The following ZNF431 variants were observed in gnomAD, a reference collection of about 807,000 sequenced individuals.
ZNF431 encodes zinc finger protein 431.
Under a neutral mutation model 57.0 loss-of-function variants are expected in ZNF431, and 34 were observed. The ratio of observed to expected loss-of-function variants is 0.60; its 90% CI spans 0.45 to 0.79. The LOEUF is 0.79. ZNF431 is among the 30% of genes least tolerant of loss of function. The pLI is 0.00. For missense variants in ZNF431, 607 were observed against 667.1 expected (o/e 0.91, Z 0.99); for synonymous variants, 207 against 220.3 (o/e 0.94, Z 0.54).
intron 4 of ZNF431, among the ~76,000 whole-genome samples, chr19:21,180,765 G>T (rs1971186543): frequency 6.6e-6 from 1 of 151,912 alleles, no homozygotes; most frequent in African/African-American, 2.4e-5. Context: ...TGGCCAATAT[G>T]GTGAAACCCT....
intron 1 of ZNF431, 129 bp downstream of exon 1, chr19:21,142,315 C>G (rs958611925): frequency 1.9e-5 from 25 of 1,333,456 alleles, no homozygotes; most frequent in Non-Finnish European, 2.4e-5. Flanking sequence ...TCTCCTTGCC[C>G]AGCTCGGCCT....
intron 2 of ZNF431, among the ~76,000 whole-genome samples, chr19:21,157,491 G>A (rs1240345117): frequency 6.6e-6 from 1 of 151,902 alleles, no homozygotes; most frequent in Admixed American, 6.6e-5. Context: ...TGTTAGCCAC[G>A]TTTGTCTTCT....
At chr19:21,173,974 C>T (rs1173337571) in intron 4 of ZNF431, among the ~76,000 whole-genome samples, 3 of 145,894 alleles carry the variant, frequency 2.1e-5, no homozygotes, top group East Asian at 2.0e-4. Flanking sequence ...TTTTGGGAGT[C>T]TCACTCTCTC....
chr19:21,172,353 A>G (rs1448470310), intron 4 of ZNF431, among the ~76,000 whole-genome samples: 1 of 150,932 alleles, frequency 6.6e-6, no homozygotes, highest in Non-Finnish European at 1.5e-5. Context: ...ACTTAAACCC[A>G]GGAGACAGAG....
chr19:21,165,265 A>G (rs1206061558), intron 2 of ZNF431, among the ~76,000 whole-genome samples: 1 of 152,150 alleles, frequency 6.6e-6, no homozygotes, highest in Non-Finnish European at 1.5e-5. Flanking sequence ...TACTGGGGAA[A>G]AGCTGGGGTC....
Position 21,167,770 on chromosome 19 carries a change from A to G in ZNF431, c.319+104A>G, listed in dbSNP as rs992678691. 8 of 736,344 alleles carry G rather than the reference A, an allele frequency of 1.1e-5. No homozygotes were observed. In the South Asian group the frequency reaches 1.9e-4, roughly 18 times the overall value. 45.6% of individuals were successfully genotyped at this position (736,344 alleles called of 1,614,324 possible). On this transcript the variant is annotated intron_variant, in intron 4 of 4. Transcript: ENST00000311048. Reference sequence around the variant, plus strand: ...AATGTGTTTTGGGAAGCTGTGTTATAAAGCATGTAGTTTCTGGGAGGCCTG... The same window carrying G: ...AATGTGTTTTGGGAAGCTGTGTTATGAAGCATGTAGTTTCTGGGAGGCCTG...
chr19:21,172,808 G>T (rs1970943192), intron 4 of ZNF431, among the ~76,000 whole-genome samples: 1 of 152,050 alleles, frequency 6.6e-6, no homozygotes, highest in Non-Finnish European at 1.5e-5. Flanking sequence ...AAAAGAAGCT[G>T]TACATTTCAG....
chr19:21,153,070 T>C (rs139834458), intron 2 of ZNF431, among the ~76,000 whole-genome samples: 164 of 152,360 alleles, frequency 1.1e-3, no homozygotes, highest in African/African-American at 3.5e-3. Context: ...GGAATATTTA[T>C]GCCTCTCCTT....
intron 4 of ZNF431, among the ~76,000 whole-genome samples, chr19:21,176,238 C>CTT (rs111362670): frequency 1.1e-3 from 141 of 133,150 alleles, no homozygotes; most frequent in African/African-American, 3.0e-3. Context: ...TCTTTGCTCA[C>CTT]TTTTTTTTTT....
chr19:21,190,047 T>G lies in ZNF431; in HGVS notation c.*6013T>G. On this transcript the variant is annotated 3_prime_UTR_variant, in exon 5 of 5. Transcript: ENST00000311048. ...AGCTGGGTGTGGTGGTGCAGGCCTG[T>G]AATCTCAGCTACTCCAGAGGCTGAG... The G allele has an allele frequency of 2.7e-6, 1 of 375,262 alleles. No homozygotes were observed. The highest frequency in any genetic ancestry group is 4.7e-6 in the Non-Finnish European group (1 of 212,198). The allele number at this position is 375,262 out of a possible 1,614,324, so 23.2% of individuals were successfully genotyped here. A position where few individuals can be genotyped will look rare whatever the true frequency, so the allele number is the denominator to read the frequency against.
At chr19:21,159,480 C>T (rs897080988) in intron 2 of ZNF431, among the ~76,000 whole-genome samples, 3 of 152,116 alleles carry the variant, frequency 2.0e-5, no homozygotes, top group Non-Finnish European at 4.4e-5. Flanking sequence ...TCAAGTGATT[C>T]GCCTGCCTCA....
At chr19:21,180,525 G>T (rs1384329006) in intron 4 of ZNF431, among the ~76,000 whole-genome samples, 2 of 149,668 alleles carry the variant, frequency 1.3e-5, no homozygotes, top group African/African-American at 2.5e-5. Context: ...TGTCTTTGTT[G>T]TACTTATCTT....
chr19:21,177,669 T>A (rs1365251490), intron 4 of ZNF431, among the ~76,000 whole-genome samples: 1 of 152,096 alleles, frequency 6.6e-6, no homozygotes, highest in Non-Finnish European at 1.5e-5. Flanking sequence ...ATTCCTGTAA[T>A]CCTAGCTACT....
Position 21,183,747 on chromosome 19 carries a change from A to G in ZNF431, c.1444A>G (p.Lys482Glu). Residue 482 changes from lysine (K) to glutamate (E), a missense_variant, in exon 5 of 5, where the codon AAA (lysine) becomes GAA (glutamate). Lys to Glu is a moderately conservative substitution (Grantham distance 56, BLOSUM62 1). Transcript: ENST00000311048. ...TTHKRIHTGE[K>E]PYKCEECGKA... Reference sequence around the variant, plus strand: ...ACATAAGAGAATTCACACTGGAGAGAAACCCTACAAATGTGAAGAATGTGG... The same window carrying G: ...ACATAAGAGAATTCACACTGGAGAGGAACCCTACAAATGTGAAGAATGTGG... The G allele has an allele frequency of 3.1e-6, 5 of 1,613,968 alleles. No homozygotes were observed. The highest frequency in any genetic ancestry group is 4.2e-6 in the Non-Finnish European group (5 of 1,180,004).
chr19:21,193,148 C>G lies in ZNF431; in HGVS notation c.*9114C>G, dbSNP rs543823336. ...TCACAGCCGAATTTTAACACATATA[C>G]AGAGATGAGCTGGTATTACTTCTAC... On this transcript the variant is annotated 3_prime_UTR_variant, in exon 5 of 5. Transcript: ENST00000311048. 76 of 152,170 alleles carry G rather than the reference C, an allele frequency of 5.0e-4. 1 individual carries two copies. The highest frequency in any genetic ancestry group is 7.3e-5 in the Non-Finnish European group (5 of 68,040). 9.4% of individuals were successfully genotyped at this position (152,170 alleles called of 1,614,324 possible).
chr19:21,158,906 A>G (rs1188054525), intron 2 of ZNF431, among the ~76,000 whole-genome samples: 1 of 152,152 alleles, frequency 6.6e-6, no homozygotes, highest in African/African-American at 2.4e-5. Flanking sequence ...GCCAGTTTTC[A>G]AGGAGGAATG....
chr19:21,169,902 T>A, intron 4 of ZNF431: 1 of 398,474 alleles, frequency 2.5e-6, no homozygotes, highest in Non-Finnish European at 4.4e-6. Context: ...CCTGTCTGCA[T>A]GGCTGCAAAT....
chr19:21,147,547 T>A (rs1238602804), intron 2 of ZNF431, among the ~76,000 whole-genome samples: 1 of 151,758 alleles, frequency 6.6e-6, no homozygotes, highest in African/African-American at 2.4e-5. Flanking sequence ...AATCATCTTT[T>A]GAAGAGTACC....
chr19:21,152,193 G>A (rs1392108694), intron 2 of ZNF431, among the ~76,000 whole-genome samples: 25 of 152,078 alleles, frequency 1.6e-4, no homozygotes, highest in Admixed American at 1.6e-3. Flanking sequence ...TTTATCTTTT[G>A]GTCTCTAGGC....
Sources: gnomAD v4.1 joint callset for allele counts (sites outside exome capture counted in the v4.1 genomes callset) on GRCh38, gnomAD v4.1.1 for gene constraint, MANE v1.5 for transcripts, NCBI Gene and HGNC (gene_info 2026-07-23, HGNC 2026-07-21) for gene names.